The following CNTNAP5 variants were observed in gnomAD, a reference collection of about 807,000 sequenced individuals.
CNTNAP5 encodes the protein contactin associated protein family member 5.
A neutral mutation model predicts 150.2 loss-of-function variants in CNTNAP5; 72 were observed. The observed-to-expected ratio is 0.48, with a 90% CI of 0.40 to 0.58. CNTNAP5 has a LOEUF of 0.58. Among genes scored for constraint, CNTNAP5 ranks in the 20% least tolerant of loss-of-function variants. The pLI is 0.00. For missense variants in CNTNAP5, 1,636 were observed against 1,626.2 expected (o/e 1.01, Z -0.10); for synonymous variants, 672 against 619.8 (o/e 1.08, Z -1.25).
At chr2:124,414,955 C>A (rs1011770262) in intron 3 of CNTNAP5, among the ~76,000 whole-genome samples, 1 of 152,138 alleles carries the variant, frequency 6.6e-6, no homozygotes, top group Non-Finnish European at 1.5e-5. Flanking sequence ...ACATGACACA[C>A]TTTTACTCTA....
intron 3 of CNTNAP5, among the ~76,000 whole-genome samples, chr2:124,321,585 T>A (rs1471553457): frequency 6.6e-6 from 1 of 152,026 alleles, no homozygotes; most frequent in African/African-American, 2.4e-5. Flanking sequence ...CATAAAGGAG[T>A]ACCTGCTCAT....
chr2:124,856,746 G>T (rs1323686116), intron 19 of CNTNAP5, among the ~76,000 whole-genome samples: 1 of 152,092 alleles, frequency 6.6e-6, no homozygotes, highest in Non-Finnish European at 1.5e-5. Flanking sequence ...GAGGTGCTTT[G>T]AAATAGATCC....
intron 1 of CNTNAP5, among the ~76,000 whole-genome samples, chr2:124,057,406 C>G (rs529702630): frequency 1.3e-5 from 2 of 149,196 alleles, no homozygotes; most frequent in East Asian, 3.9e-4. Context: ...CTCACCCTCC[C>G]GAGTAGCTGG....
At chr2:124,381,534 C>T (rs967958819) in intron 3 of CNTNAP5, among the ~76,000 whole-genome samples, 1 of 151,870 alleles carries the variant, frequency 6.6e-6, no homozygotes, top group Admixed American at 6.6e-5. Flanking sequence ...ATAGGATCAC[C>T]CCCCCCTCCA....
intron 3 of CNTNAP5, among the ~76,000 whole-genome samples, chr2:124,409,886 TTAAATG>T (rs1473230472): frequency 1.3e-5 from 2 of 151,348 alleles, no homozygotes; most frequent in African/African-American, 4.8e-5. Flanking sequence ...AATATTAACT[TTAAATG>T]TAAATGGACT....
At chr2:124,250,880 A>G (rs1226153543) in intron 3 of CNTNAP5, among the ~76,000 whole-genome samples, 1 of 151,950 alleles carries the variant, frequency 6.6e-6, no homozygotes, top group Non-Finnish European at 1.5e-5. Context: ...ATTAAGAAGG[A>G]AAGCATAATA....
At chr2:124,662,986 G>A (rs1678623649) in intron 13 of CNTNAP5, among the ~76,000 whole-genome samples, 1 of 152,202 alleles carries the variant, frequency 6.6e-6, no homozygotes, top group South Asian at 2.1e-4. Flanking sequence ...TGTAACAGCT[G>A]AAATGGGCCA....
intron 7 of CNTNAP5, among the ~76,000 whole-genome samples, chr2:124,491,265 G>A (rs1320773335): frequency 6.6e-6 from 1 of 152,030 alleles, no homozygotes; most frequent in Non-Finnish European, 1.5e-5. Flanking sequence ...CTCTGCTCCT[G>A]TGAGCTTGAC....
intron 1 of CNTNAP5, among the ~76,000 whole-genome samples, chr2:124,054,334 G>A (rs1476105592): frequency 1.3e-5 from 2 of 152,066 alleles, no homozygotes; most frequent in Non-Finnish European, 2.9e-5. Context: ...GAATATGATG[G>A]AAAAAATAGC....
intron 1 of CNTNAP5, among the ~76,000 whole-genome samples, chr2:124,066,041 A>G (rs1356000498): frequency 6.6e-6 from 1 of 152,114 alleles, no homozygotes; most frequent in Non-Finnish European, 1.5e-5. Context: ...ACAACAATCC[A>G]AGGAACTTCC....
chr2:124,812,637 C>T (rs1012681388), intron 19 of CNTNAP5, among the ~76,000 whole-genome samples: 1 of 152,184 alleles, frequency 6.6e-6, no homozygotes, highest in African/African-American at 2.4e-5. Flanking sequence ...CTTATCATAA[C>T]TCAGACATTC....
intron 19 of CNTNAP5, among the ~76,000 whole-genome samples, chr2:124,807,391 C>A (rs1682103620): frequency 6.6e-6 from 1 of 152,136 alleles, no homozygotes; most frequent in South Asian, 2.1e-4. Flanking sequence ...CAGCCATATG[C>A]CACTGTCTTT....
chr2:124,081,416 A>G (rs1012266974), intron 1 of CNTNAP5, among the ~76,000 whole-genome samples: 7 of 152,186 alleles, frequency 4.6e-5, no homozygotes, highest in Admixed American at 1.3e-4. Context: ...ACAATTTCCT[A>G]ACTGCTCACC....
At chr2:124,375,549 C>T (rs1025044370) in intron 3 of CNTNAP5, among the ~76,000 whole-genome samples, 1 of 151,990 alleles carries the variant, frequency 6.6e-6, no homozygotes, top group Non-Finnish European at 1.5e-5. Context: ...GTAATTAATG[C>T]AATATGAGAT....
At chr2:124,899,591 C>CT (rs1232285061) in intron 21 of CNTNAP5, among the ~76,000 whole-genome samples, 11 of 151,206 alleles carry the variant, frequency 7.3e-5, no homozygotes, top group Admixed American at 2.0e-4. Context: ...CATTGTAATT[C>CT]TTTTTTTGGA....
At chr2:124,533,697 C>A (rs2104897676) in intron 10 of CNTNAP5, among the ~76,000 whole-genome samples, 1 of 152,294 alleles carries the variant, frequency 6.6e-6, no homozygotes, top group African/African-American at 2.4e-5. Context: ...TTTCTTCTGC[C>A]TCTGAGCTTT....
In CNTNAP5 at chr2:124,494,490, A is replaced by G. The variant is rs1191505043; in HGVS notation, c.1063-9802A>G. On this transcript the variant is annotated intron_variant, in intron 7 of 23. Coordinates refer to ENST00000682447, the MANE Select transcript of CNTNAP5 (RefSeq NM_001367498.1). The stretch of plus-strand genomic sequence containing the variant: ...ACCTGAGGACAGATCTTCCCCTCCT[A>G]GTGCACTCAGACTCACATGTCTCCT... 2.0e-5 allele frequency among the ~76,000 whole-genome samples: 3 copies of G among 152,140 alleles called. No homozygotes were observed. The East Asian group carries it at 5.8e-4, about 29-fold the overall frequency.
At chr2:124,179,388 G>T (rs984840778) in intron 1 of CNTNAP5, among the ~76,000 whole-genome samples, 10 of 152,096 alleles carry the variant, frequency 6.6e-5, no homozygotes, top group African/African-American at 2.4e-4. Context: ...TCGAACTCCT[G>T]ACCTTAGGTG....
At chr2:124,712,087 T>C (rs184270559) in intron 13 of CNTNAP5, among the ~76,000 whole-genome samples, 16 of 152,274 alleles carry the variant, frequency 1.1e-4, no homozygotes, top group Non-Finnish European at 2.2e-4. Flanking sequence ...GTGTGTGATA[T>C]GTCTGTCTAA....
Sources: gnomAD v4.1 joint callset for allele counts (sites outside exome capture counted in the v4.1 genomes callset) on GRCh38, gnomAD v4.1.1 for gene constraint, MANE v1.5 for transcripts, NCBI Gene and HGNC (gene_info 2026-07-23, HGNC 2026-07-21) for gene names.